The following RECQL4 variants were observed in gnomAD, a reference collection of about 807,000 sequenced individuals.
The protein encoded by RECQL4 is RecQ like helicase 4.
A neutral mutation model predicts 128.6 loss-of-function variants in RECQL4; 158 were observed. That is an observed-to-expected ratio of 1.23 (90% CI 1.08 to 1.40). The LOEUF is 1.40. Among genes scored for constraint, RECQL4 ranks in the 40% most tolerant of loss-of-function variants. The probability of loss-of-function intolerance (pLI) is 0.00; values close to 1 mark genes in which losing one functional copy is unlikely to be tolerated. For synonymous variants in RECQL4, 996 were observed against 678.9 expected (o/e 1.47, Z -7.26); for missense variants, 2,293 against 1,649.8 (o/e 1.39, Z -6.75).
Position 144,514,200 on chromosome 8 carries a change from G to GC in RECQL4, c.1866dup (p.Arg623AlafsTer29). The stretch of plus-strand genomic sequence containing the variant: ...CACATATGGCTCACCTTGCAGACGC[G>GC]CAGGTAGCAGGGCCGGAAGTTGTGG... On this transcript the variant is annotated frameshift_variant, in exon 11 of 21. Transcript: ENST00000617875. LOFTEE classifies it high-confidence loss of function. 1 of 1,612,166 alleles carries GC rather than the reference G, an allele frequency of 6.2e-7. No homozygotes were observed. The highest frequency in any genetic ancestry group is 8.5e-7 in the Non-Finnish European group (1 of 1,179,688).
chr8:144,515,559 G>C, intron 6 of RECQL4, 102 bp from the exon 7 acceptor site: 2 of 1,559,712 alleles, frequency 1.3e-6, no homozygotes, highest in Non-Finnish European at 1.8e-6. Flanking sequence ...AGCAGGCAGT[G>C]CCCTTCCTCT....
In RECQL4 at chr8:144,514,948, G is replaced by A. The variant is rs772078220; in HGVS notation, c.1608C>T (p.Leu536=). 1.2e-5 allele frequency: 20 copies of A among 1,611,566 alleles called. No individual in the cohort carries two copies. In the South Asian group the frequency reaches 2.2e-4, roughly 18 times the overall value. The change falls in exon 9 of 21, where the codon CTC becomes CTT. Residue 536 remains leucine, a synonymous_variant. Coordinates refer to ENST00000617875, the MANE Select transcript of RECQL4 (RefSeq NM_004260.4). ...LTLVVSPLLS[L]MDDQVSGLPP... ...CCTGTGTGCACACCTGGTCATCCAT[G>A]AGTGACAGCAGGGGAGAGACGACCA...
chr8:144,516,830 C>T (rs1422291891), intron 4 of RECQL4, 66 bp from the exon 5 acceptor site: 4 of 1,449,630 alleles, frequency 2.8e-6, no homozygotes, highest in Non-Finnish European at 9.2e-7. Flanking sequence ...ACTCTAAAAC[C>T]TACCTGAGTC....
intron 6 of RECQL4, 51 bp from the exon 7 acceptor site, chr8:144,515,508 A>G: frequency 6.2e-7 from 1 of 1,610,910 alleles, no homozygotes; most frequent in Middle Eastern, 1.7e-4. Flanking sequence ...GGGCAAGACA[A>G]CCACTGGCCA....
chr8:144,514,213 C>A lies in RECQL4; in HGVS notation c.1854G>T (p.Arg618=), dbSNP rs2130694527. ...HCLSQWSHNF[R]PCYLRVCKVL... ...CCTTGCAGACGCGCAGGTAGCAGGG[C>A]CGGAAGTTGTGGGACCACTGGGAGA... is the stretch of plus-strand genomic sequence containing the variant. Residue 618 remains arginine (R), a synonymous_variant, in exon 11 of 21, where the codon CGG becomes CGT. Coordinates refer to ENST00000617875, the MANE Select transcript of RECQL4 (RefSeq NM_004260.4). 2 of 1,612,286 alleles carry A rather than the reference C, an allele frequency of 1.2e-6. No individual in the cohort carries two copies. The highest frequency in any genetic ancestry group is 1.7e-6 in the Non-Finnish European group (2 of 1,179,720).
chr8:144,513,027 TGGTGCA>T lies in RECQL4; in HGVS notation c.2569_2574del (p.Cys857_Thr858del), dbSNP rs548804317. ...GCCCCTTCCTGCTCCGAGGGCGGCC[TGGTGCA>T]GGTGCAGGTGCAGGCTGGGAACACG... On this transcript the variant is annotated inframe_deletion, in exon 15 of 21. Transcript: ENST00000617875. 1.6e-3 allele frequency: 2,479 copies of T among 1,574,460 alleles called. 41 individuals carry two copies. In the Admixed American group the frequency reaches 0.03, roughly 19 times the overall value.
At chr8:144,515,288 CCT>C (rs774336553) in intron 7 of RECQL4, 36 bp downstream of exon 7, 8 of 1,610,874 alleles carry the variant, frequency 5.0e-6, no homozygotes, top group Middle Eastern at 1.7e-4. Context: ...CACCCCAACC[CCT>C]CAGTGAAGGC....
chr8:144,512,017 C>G lies in RECQL4; in HGVS notation c.3287G>C (p.Arg1096Pro), dbSNP rs765087683. 1 of 1,608,798 alleles carries G rather than the reference C, an allele frequency of 6.2e-7. No individual in the cohort carries two copies. The highest frequency in any genetic ancestry group is 1.1e-5 in the South Asian group (1 of 90,434). Residue 1096 changes from arginine (R) to proline (P), a missense_variant, in exon 19 of 21, where the codon CGC (arginine) becomes CCC (proline). Physicochemically the swap from Arg to Pro is moderately radical, Grantham distance 103 (BLOSUM62 -2). Transcript: ENST00000617875. ...GPCLEQQDEE[R>P]STRLKDLLGR... ...GAGCAGGTCCTTGAGCCTGGTGCTGCGCTCCTCATCCTGCTGCTCCAGGCA... is the reference window on the plus strand; with the variant it reads ...GAGCAGGTCCTTGAGCCTGGTGCTGGGCTCCTCATCCTGCTGCTCCAGGCA...
In RECQL4 at chr8:144,512,545, C is replaced by T. The variant is rs1060501382; in HGVS notation, c.2902G>A (p.Val968Met). Reference protein sequence around the residue: ...ALAHRCPPLAVCLAQQLPEDP... With the variant: ...ALAHRCPPLAMCLAQQLPEDP... ...TCAGGCAGCTGCTGGGCCAAGCACA[C>T]AGCCAAAGGGGGACACCTGTGCCCA... The change falls in exon 17 of 21, where the codon GTG becomes ATG. Residue 968 changes from valine to methionine, a missense_variant. Val to Met is a conservative substitution (Grantham distance 21, BLOSUM62 1). Coordinates refer to ENST00000617875, the MANE Select transcript of RECQL4 (RefSeq NM_004260.4). The T allele has an allele frequency of 1.2e-5, 20 of 1,612,464 alleles. No individual in the cohort carries two copies. Among genetic ancestry groups the T allele is most frequent in the Non-Finnish European group, 1.6e-5 (19 of 1,179,826 alleles).
rs941185523 is a variant in RECQL4, at chr8:144,517,803, G to C, written c.-19C>G. 4.0e-5 allele frequency: 48 copies of C among 1,207,724 alleles called. No homozygotes were observed. The African/African-American group carries it at 7.7e-4, about 19-fold the overall frequency. The allele number at this position is 1,207,724 out of a possible 1,614,324, so 74.8% of individuals were successfully genotyped here. Reference sequence around the variant, plus strand: ...GCTCCATGGCGCGCGCGCCCGCCCGGCCTCCGCGCTTGCGATCGTCCAGCG... The same window carrying C: ...GCTCCATGGCGCGCGCGCCCGCCCGCCCTCCGCGCTTGCGATCGTCCAGCG... On this transcript the variant is annotated 5_prime_UTR_variant, in exon 1 of 21. Transcript: ENST00000617875.
rs1827255071 is a variant in RECQL4 at position 144,511,771 on chromosome 8, G to C, written c.3412C>G (p.Gln1138Glu). The change falls in exon 20 of 21, where the codon CAG becomes GAG. Residue 1138 changes from glutamine (Q) to glutamate (E), a missense_variant. Transcript: ENST00000617875. Reference protein sequence around the residue: ...GQARLQDWEDQVRCDIRQFLS... With the variant: ...GQARLQDWEDEVRCDIRQFLS... The stretch of plus-strand genomic sequence containing the variant: ...AACTGGCGGATGTCGCAGCGGACCT[G>C]GTCCTCCCAATCCTGGAGCTGTGTG... The C allele has an allele frequency of 2.5e-6, 4 of 1,612,582 alleles. No homozygotes were observed. The highest frequency in any genetic ancestry group is 3.4e-6 in the Non-Finnish European group (4 of 1,179,824).
chr8:144,517,493 T>A lies in RECQL4; in HGVS notation c.134A>T (p.Tyr45Phe), dbSNP rs748521485. 12 of 1,596,626 alleles carry A rather than the reference T, an allele frequency of 7.5e-6. No individual in the cohort carries two copies. The Admixed American group carries it at 1.2e-4, about 16-fold the overall frequency. ...PEETRALYRE[Y>F]RTLKRTTGQA... is the part of the protein sequence containing the mutation. ...GCCCGTGGTACGCTTCAGAGTGCGGTATTCCCGGTAGAGCGCTGCGTGGGC... is the reference window on the plus strand; with the variant it reads ...GCCCGTGGTACGCTTCAGAGTGCGGAATTCCCGGTAGAGCGCTGCGTGGGC... The change falls in exon 3 of 21, where the codon TAC becomes TTC. Residue 45 changes from tyrosine (Y) to phenylalanine (F), a missense_variant. By Grantham distance (22) the Tyr-to-Phe change is conservative. Coordinates refer to ENST00000617875, the MANE Select transcript of RECQL4 (RefSeq NM_004260.4).
chr8:144,515,882 C>T lies in RECQL4; in HGVS notation c.1140G>A (p.Lys380=), dbSNP rs1159732841. Reference sequence around the variant, plus strand: ...ACTCCCCTTTCTTCCGCCACTTCTGCTTCCATGCCTGGGGGGTGCCCACAT... The same window carrying T: ...ACTCCCCTTTCTTCCGCCACTTCTGTTTCCATGCCTGGGGGGTGCCCACAT... ...RSRLLRKQAW[K]QKWRKKGECF... Residue 380 remains lysine, a synonymous_variant, in exon 6 of 21, where the codon AAG becomes AAA. Transcript: ENST00000617875. 3.7e-6 allele frequency: 6 copies of T among 1,612,812 alleles called. No individual in the cohort carries two copies. Among genetic ancestry groups the T allele is most frequent in the African/African-American group, 1.3e-5 (1 of 74,930 alleles).
intron 8 of RECQL4, 37 bp from the exon 9 acceptor site, chr8:144,515,109 C>G (rs757031573): frequency 6.3e-7 from 1 of 1,583,664 alleles, no homozygotes; most frequent in Non-Finnish European, 8.6e-7. Context: ...GGTTCTGCAG[C>G]CTGGCCTCAG....
intron 6 of RECQL4, 57 bp from the exon 7 acceptor site, chr8:144,515,514 G>A (rs1183429271): frequency 8.7e-6 from 14 of 1,609,360 alleles, no homozygotes; most frequent in Non-Finnish European, 1.7e-6. Context: ...GACAACCACT[G>A]GCCACAACCT....
At chr8:144,512,812 C>T (rs1827499506) in intron 15 of RECQL4, 35 bp downstream of exon 15, 2 of 1,609,412 alleles carry the variant, frequency 1.2e-6, no homozygotes, top group Non-Finnish European at 1.7e-6. Context: ...GGGACAGCCC[C>T]TCCACACCCC....
rs587778646 is a variant in RECQL4, at chr8:144,512,048, C to G, written c.3256G>C (p.Gly1086Arg). 3 of 1,608,284 alleles carry G rather than the reference C, an allele frequency of 1.9e-6. No individual in the cohort carries two copies. Among genetic ancestry groups the G allele is most frequent in the Non-Finnish European group, 2.5e-6 (3 of 1,178,718 alleles). ...AFHSVAFPSC[G>R]PCLEQQDEER... ...TCATCCTGCTGCTCCAGGCAGGGCC[C>G]GCAGCTGGGGAAGGCTACGCTGTGG... The change falls in exon 19 of 21, where the codon GGG becomes CGG. Residue 1086 changes from glycine (G) to arginine (R), a missense_variant. Physicochemically the swap from Gly to Arg is moderately radical, Grantham distance 125. Coordinates refer to ENST00000617875, the MANE Select transcript of RECQL4 (RefSeq NM_004260.4).
rs587778648 is a variant in RECQL4 at position 144,511,537 on chromosome 8, G to A, written c.3521C>T (p.Ala1174Val). The change falls in exon 21 of 21, where the codon GCC becomes GTC. Residue 1174 changes from alanine to valine, a missense_variant. Ala to Val is a moderately conservative substitution (Grantham distance 64, BLOSUM62 0). Coordinates refer to ENST00000617875, the MANE Select transcript of RECQL4 (RefSeq NM_004260.4). ...GCGTCGGTCCTGCCCGTACACCTGGGCCGGGTAGCAGGGGCTTCCTACGGT... is the reference window on the plus strand; with the variant it reads ...GCGTCGGTCCTGCCCGTACACCTGGACCGGGTAGCAGGGGCTTCCTACGGT... The part of the protein sequence containing the change: ...FHGIGSPCYP[A>V]QVYGQDRRFW... 2.0e-5 allele frequency: 32 copies of A among 1,612,274 alleles called. No homozygotes were observed. The Admixed American group carries it at 4.3e-4, about 22-fold the overall frequency.
chr8:144,512,362 C>T, intron 17 of RECQL4, 30 bp downstream of exon 17: 4 of 1,609,968 alleles, frequency 2.5e-6, no homozygotes, highest in Non-Finnish European at 3.4e-6. Context: ...AGGCAGCGTC[C>T]AGGGCGGTGT....
Sources: allele counts gnomAD v4.1 joint callset, GRCh38; gene constraint gnomAD v4.1.1; transcripts MANE v1.5; gene names NCBI Gene and HGNC (gene_info 2026-07-23, HGNC 2026-07-21).